TP63: variants seen among roughly 807,000 people sequenced by gnomAD.
The protein encoded by TP63 is tumor protein 63.
TP63 carries 17 observed loss-of-function variants against 82.8 expected under a neutral mutation model. The observed-to-expected ratio is 0.21, with a 90% CI of 0.14 to 0.31. The LOEUF is 0.31. Ranked by LOEUF, TP63 falls within the 10% of genes least tolerant of loss-of-function variation. TP63 has a pLI of 1.00. For synonymous variants in TP63, 330 were observed against 321.7 expected (o/e 1.03, Z -0.28); for missense variants, 648 against 895.3 (o/e 0.72, Z 3.52).
chr3:189,844,203 G>A (rs776555739), intron 4 of TP63: 13 of 357,220 alleles, frequency 3.6e-5, no homozygotes, highest in African/African-American at 1.1e-4. Flanking sequence ...ACAGAGTCTC[G>A]CCTTGTCTCC....
intron 4 of TP63, chr3:189,829,888 A>T (rs1712040719): frequency 2.6e-6 from 1 of 390,930 alleles, no homozygotes; most frequent in Non-Finnish European, 5.2e-6. Flanking sequence ...TTCAACCAAG[A>T]TAAACAATTT....
intron 10 of TP63, chr3:189,880,444 C>G: frequency 9.3e-7 from 1 of 1,069,922 alleles, no homozygotes; most frequent in Non-Finnish European, 1.1e-6. Flanking sequence ...CTGTGTTTGT[C>G]TGTGAGCTTT....
At chr3:189,810,826 A>T (rs1432083079) in intron 4 of TP63, among the ~76,000 whole-genome samples, 1 of 146,892 alleles carries the variant, frequency 6.8e-6, no homozygotes, top group Non-Finnish European at 1.5e-5. Context: ...ACTACATGTG[A>T]TCTGCCTGCA....
intron 1 of TP63, among the ~76,000 whole-genome samples, chr3:189,736,473 T>C (rs1720603432): frequency 1.3e-5 from 2 of 152,114 alleles, no homozygotes; most frequent in Non-Finnish European, 2.9e-5. Flanking sequence ...AAAGGCTCTT[T>C]CCTTGATTCT....
chr3:189,761,695 A>C (rs994228824), intron 3 of TP63, among the ~76,000 whole-genome samples: 3 of 152,144 alleles, frequency 2.0e-5, no homozygotes, highest in Non-Finnish European at 4.4e-5. Context: ...CAGCAACACC[A>C]CACTTCTGGT....
intron 5 of TP63, among the ~76,000 whole-genome samples, 189 bp from the exon 6 acceptor site, chr3:189,866,493 A>G (rs1717742861): frequency 6.6e-6 from 1 of 152,192 alleles, no homozygotes; most frequent in South Asian, 2.1e-4. Context: ...TTCTGTTGCT[A>G]TAAAGGTTAT....
In TP63 at chr3:189,822,937, G is replaced by C. The variant is rs1000921964; in HGVS notation, c.579+14411G>C. Among the ~76,000 whole-genome samples the C allele has an allele frequency of 3.3e-5, 5 of 152,208 alleles. No individual in the cohort carries two copies. In the South Asian group the frequency reaches 1.0e-3, roughly 32 times the overall value. On this transcript the variant is annotated intron_variant, in intron 4 of 13. Coordinates refer to ENST00000264731, the MANE Select transcript of TP63 (RefSeq NM_003722.5). ...GGTGGCTGCACTGCCTCCAGTGGTGGTGAGTTCTCCACCTCCAGAGAGTGA... is the reference window on the plus strand; with the variant it reads ...GGTGGCTGCACTGCCTCCAGTGGTGCTGAGTTCTCCACCTCCAGAGAGTGA...
intron 1 of TP63, among the ~76,000 whole-genome samples, chr3:189,732,956 T>C (rs1720282538): frequency 6.6e-6 from 1 of 152,084 alleles, no homozygotes. Flanking sequence ...AACTAGGAAG[T>C]ACTAAGTAAG....
chr3:189,814,166 A>C (rs2108653709), intron 4 of TP63, among the ~76,000 whole-genome samples: 1 of 152,344 alleles, frequency 6.6e-6, no homozygotes, highest in South Asian at 2.1e-4. Flanking sequence ...CTGTAATGTA[A>C]GACTTTTAGA....
At chr3:189,734,837 C>T (rs1720456591) in intron 1 of TP63, among the ~76,000 whole-genome samples, 1 of 152,128 alleles carries the variant, frequency 6.6e-6, no homozygotes, top group Non-Finnish European at 1.5e-5. Flanking sequence ...TTCCAACCTG[C>T]CTATTCCAGG....
chr3:189,603,672 A>G, the TP63 span, among the ~76,000 whole-genome samples: 567 of 66,574 alleles, frequency 8.5e-3, 10 homozygotes, highest in African/African-American at 0.023. Flanking sequence ...AAAAAAAAAA[A>G]AAAAGAAGCA....
At chr3:189,677,461 C>CAT (rs1249045559) in intron 1 of TP63, among the ~76,000 whole-genome samples, 3 of 148,466 alleles carry the variant, frequency 2.0e-5, no homozygotes, top group African/African-American at 7.4e-5. Context: ...TATATATACA[C>CAT]ATATATATAT....
intron 1 of TP63, among the ~76,000 whole-genome samples, chr3:189,645,757 T>A (rs1712372932): frequency 6.8e-6 from 1 of 146,448 alleles, no homozygotes. Context: ...CATGCAGTGT[T>A]TGGTTTTCTG....
At chr3:189,755,302 A>C (rs894989617) in intron 3 of TP63, among the ~76,000 whole-genome samples, 2 of 152,140 alleles carry the variant, frequency 1.3e-5, no homozygotes, top group African/African-American at 2.4e-5. Context: ...ATAAAATATC[A>C]ATTTATACAT....
chr3:189,752,420 A>G (rs551093059), intron 3 of TP63, among the ~76,000 whole-genome samples: 1 of 152,262 alleles, frequency 6.6e-6, no homozygotes, highest in South Asian at 2.1e-4. Flanking sequence ...GGCTCAAGCA[A>G]TCCTCCCACC....
intron 4 of TP63, among the ~76,000 whole-genome samples, chr3:189,853,268 C>G (rs1296200877): frequency 6.6e-6 from 1 of 152,186 alleles, no homozygotes; most frequent in Non-Finnish European, 1.5e-5. Flanking sequence ...CAGACCACAT[C>G]AGTTGCTCAA....
chr3:189,752,784 T>C (rs539992871), intron 3 of TP63, among the ~76,000 whole-genome samples: 3 of 152,286 alleles, frequency 2.0e-5, no homozygotes, highest in Admixed American at 2.0e-4. Flanking sequence ...ATGTTACCAT[T>C]CATTGCTATA....
rs576264582 is a variant in TP63 at position 189,896,720 on chromosome 3, G to A, written c.*2218G>A. On this transcript the variant is annotated 3_prime_UTR_variant, in exon 14 of 14. Transcript: ENST00000264731. ...AGGGCCTTGGAAATTCCTGTACTGT[G>A]TCTCATGGATTTGGCACTAGCCAAA... 12 of 204,122 alleles carry A rather than the reference G, an allele frequency of 5.9e-5. No homozygotes were observed. The South Asian group carries it at 1.9e-3, about 32-fold the overall frequency. The allele number at this position is 204,122 out of a possible 1,614,324, so 12.6% of individuals were successfully genotyped here.
intron 1 of TP63, among the ~76,000 whole-genome samples, chr3:189,666,971 T>C (rs908470949): frequency 1.1e-4 from 16 of 147,354 alleles, no homozygotes; most frequent in African/African-American, 4.0e-4. Context: ...GGACAAAATA[T>C]ATAAGAAAAC....
Sources: allele counts gnomAD v4.1 joint callset (sites outside exome capture counted in the v4.1 genomes callset), GRCh38; gene constraint gnomAD v4.1.1; transcripts MANE v1.5; gene names NCBI Gene and HGNC (gene_info 2026-07-23, HGNC 2026-07-21).